Variants in NRXN1 observed in about 807,000 individuals in gnomAD.
The protein encoded by NRXN1 is neurexin-1.
A neutral mutation model predicts 150.9 loss-of-function variants in NRXN1; 39 were observed. The observed-to-expected ratio is 0.26, with a 90% CI of 0.20 to 0.34. The LOEUF is 0.34. NRXN1 is among the 10% of genes least tolerant of loss of function. NRXN1 has a pLI of 1.00. For synonymous variants in NRXN1, 924 were observed against 757.0 expected (o/e 1.22, Z -3.62); for missense variants, 1,815 against 1,949.9 (o/e 0.93, Z 1.30).
At chr2:50,286,518 ATATT>A (rs1381593590) in intron 17 of NRXN1, among the ~76,000 whole-genome samples, 2 of 152,196 alleles carry the variant, frequency 1.3e-5, no homozygotes, top group African/African-American at 2.4e-5. Context: ...TTTTTAAAAA[ATATT>A]CATTCATCCA....
At chr2:50,633,736 C>G (rs1004573992) in intron 5 of NRXN1, among the ~76,000 whole-genome samples, 6 of 152,048 alleles carry the variant, frequency 3.9e-5, no homozygotes, top group African/African-American at 1.4e-4. Context: ...ACATGCAAAT[C>G]CCCTATTCTA....
At chr2:50,206,858 T>TAC (rs141744961) in intron 18 of NRXN1, among the ~76,000 whole-genome samples, 26 of 149,436 alleles carry the variant, frequency 1.7e-4, no homozygotes, top group East Asian at 5.9e-4. Flanking sequence ...TGTGTGTATA[T>TAC]ACACACACAC....
intron 5 of NRXN1, among the ~76,000 whole-genome samples, chr2:50,775,725 A>G (rs1157769589): frequency 6.6e-6 from 1 of 152,172 alleles, no homozygotes; most frequent in Non-Finnish European, 1.5e-5. Flanking sequence ...AAGGAAGATC[A>G]AAATGTTTTT....
chr2:50,503,050 G>A (rs1016560521), intron 13 of NRXN1, among the ~76,000 whole-genome samples: 1 of 152,126 alleles, frequency 6.6e-6, no homozygotes, highest in Non-Finnish European at 1.5e-5. Context: ...GCTCATGTCT[G>A]TAATCCCGGT....
intron 2 of NRXN1, among the ~76,000 whole-genome samples, chr2:50,973,044 T>C (rs1695264349): frequency 6.6e-6 from 1 of 152,230 alleles, no homozygotes; most frequent in African/African-American, 2.4e-5. Flanking sequence ...ATCTTTGTCA[T>C]GGTGTCTTCC....
chr2:50,372,721 C>A (rs2080118331), intron 17 of NRXN1, among the ~76,000 whole-genome samples: 1 of 152,074 alleles, frequency 6.6e-6, no homozygotes, highest in Non-Finnish European at 1.5e-5. Context: ...ATATCGCAAA[C>A]TTTAGTGATG....
At chr2:50,555,140 T>C (rs562638426) in intron 8 of NRXN1, among the ~76,000 whole-genome samples, 2 of 152,318 alleles carry the variant, frequency 1.3e-5, no homozygotes, top group East Asian at 3.9e-4. Context: ...CCTATTGATT[T>C]ATATTCCAGC....
intron 17 of NRXN1, among the ~76,000 whole-genome samples, chr2:50,436,002 T>A (rs1316092272): frequency 1.3e-5 from 2 of 152,174 alleles, no homozygotes; most frequent in African/African-American, 4.8e-5. Flanking sequence ...TCCTTTATTT[T>A]ACATATAACT....
chr2:50,253,934 G>T (rs2067424736), intron 17 of NRXN1, among the ~76,000 whole-genome samples: 1 of 150,618 alleles, frequency 6.6e-6, no homozygotes, highest in Middle Eastern at 3.4e-3. Context: ...CCCATAAAAT[G>T]AGTTAGGGAG....
At chr2:50,267,381 GAAT>G (rs2069021477) in intron 17 of NRXN1, among the ~76,000 whole-genome samples, 1 of 152,072 alleles carries the variant, frequency 6.6e-6, no homozygotes, top group African/African-American at 2.4e-5. Flanking sequence ...CTCAGAAGAA[GAAT>G]AATGTTTATG....
intron 17 of NRXN1, among the ~76,000 whole-genome samples, chr2:50,309,074 A>C (rs938156837): frequency 6.6e-6 from 1 of 152,194 alleles, no homozygotes; most frequent in African/African-American, 2.4e-5. Flanking sequence ...ATGCAAAGAC[A>C]AGTATTTTCT....
Position 50,538,612 on chromosome 2 carries a change from C to A in NRXN1, c.1784G>T (p.Arg595Leu). The change falls in exon 10 of 23, where the codon CGT becomes CTT. Residue 595 changes from arginine to leucine, a missense_variant. By Grantham distance (102) the Arg-to-Leu change is moderately radical. Coordinates refer to ENST00000401669, the MANE Select transcript of NRXN1 (RefSeq NM_001330078.2). ...RSGTISVNTL[R>L]TPYTAPGESE... ...CTCACCAGGAGCAGTGTAGGGAGTA[C>A]GCAACGTGTTGACAGAAATGGTACC... is the stretch of plus-strand genomic sequence containing the variant. 1 of 1,498,822 alleles carries A rather than the reference C, an allele frequency of 6.7e-7. No individual in the cohort carries two copies. Among genetic ancestry groups the A allele is most frequent in the Non-Finnish European group, 8.9e-7 (1 of 1,122,380 alleles). The allele number at this position is 1,498,822 out of a possible 1,614,324, so 92.8% of individuals were successfully genotyped here.
intron 2 of NRXN1, among the ~76,000 whole-genome samples, chr2:50,945,307 C>T (rs1030855772): frequency 6.6e-6 from 1 of 152,068 alleles, no homozygotes; most frequent in African/African-American, 2.4e-5. Flanking sequence ...AACCACATCT[C>T]TACAAAAATT....
chr2:50,520,574 G>T (rs1236950978), intron 12 of NRXN1, among the ~76,000 whole-genome samples: 2 of 151,782 alleles, frequency 1.3e-5, no homozygotes, highest in African/African-American at 4.8e-5. Context: ...TCCCTTGCCT[G>T]TTCCATAATT....
chr2:50,774,214 A>G (rs1703335712), intron 5 of NRXN1, among the ~76,000 whole-genome samples: 2 of 152,152 alleles, frequency 1.3e-5, no homozygotes, highest in African/African-American at 4.8e-5. Flanking sequence ...AAATTTCATC[A>G]CCATATCTAA....
At chr2:50,640,372 T>G (rs894050492) in intron 5 of NRXN1, among the ~76,000 whole-genome samples, 1 of 152,212 alleles carries the variant, frequency 6.6e-6, no homozygotes, top group East Asian at 1.9e-4. Context: ...TAAACTAAAA[T>G]TATACTTTAG....
chr2:50,491,128 G>C (rs1160636563), intron 15 of NRXN1, among the ~76,000 whole-genome samples: 3 of 152,158 alleles, frequency 2.0e-5, no homozygotes, highest in African/African-American at 7.2e-5. Flanking sequence ...AGACAAGTGG[G>C]CTGTCAGATG....
intron 5 of NRXN1, among the ~76,000 whole-genome samples, chr2:50,687,925 C>G (rs1411830074): frequency 3.3e-5 from 5 of 152,126 alleles, no homozygotes; most frequent in African/African-American, 4.8e-5. Context: ...AGATCAAACT[C>G]TTCTCTCTGA....
At chr2:50,536,049 C>T (rs926976346) in intron 10 of NRXN1, among the ~76,000 whole-genome samples, 1 of 152,136 alleles carries the variant, frequency 6.6e-6, no homozygotes, top group African/African-American at 2.4e-5. Flanking sequence ...TCTGTCAAAG[C>T]CCCCTGTTTT....
Sources: gnomAD v4.1 joint callset for allele counts (sites outside exome capture counted in the v4.1 genomes callset) on GRCh38, gnomAD v4.1.1 for gene constraint, MANE v1.5 for transcripts, NCBI Gene and HGNC (gene_info 2026-07-23, HGNC 2026-07-21) for gene names.